Variants in RUNX1 observed in about 807,000 individuals in gnomAD.
RUNX1 encodes the protein RUNX family transcription factor 1.
Under a neutral mutation model 42.8 loss-of-function variants are expected in RUNX1, and 19 were observed. That is an observed-to-expected ratio of 0.44 (90% CI 0.31 to 0.65). The LOEUF (loss-of-function observed/expected upper bound fraction) is 0.65, where lower values mean the gene tolerates loss of function less well. RUNX1 is among the 30% of genes least tolerant of loss of function. RUNX1 has a pLI of 0.07. For missense variants in RUNX1, 528 were observed against 672.0 expected, an observed-to-expected ratio of 0.79 and a Z score of 2.37; for synonymous variants, 271 against 289.4, an observed-to-expected ratio of 0.94 and a Z score of 0.64.
At chr21:35,048,113 G>C (rs957129729) in intron 2 of RUNX1, among the ~76,000 whole-genome samples, 10 of 152,212 alleles carry the variant, frequency 6.6e-5, no homozygotes, top group Non-Finnish European at 1.3e-4. Flanking sequence ...CTTAACTCGG[G>C]AAACTTCTCT....
chr21:34,947,084 C>T (rs999731928), intron 2 of RUNX1, among the ~76,000 whole-genome samples: 6 of 152,216 alleles, frequency 3.9e-5, no homozygotes, highest in Non-Finnish European at 8.8e-5. Context: ...GGCACTCTAT[C>T]TGTGCCTCAA....
intron 7 of RUNX1, among the ~76,000 whole-genome samples, chr21:34,810,287 T>G (rs1372985922): frequency 6.6e-6 from 1 of 152,262 alleles, no homozygotes; most frequent in Admixed American, 6.5e-5. Context: ...TGCTTCCATA[T>G]GACATGGGCC....
intron 7 of RUNX1, among the ~76,000 whole-genome samples, chr21:34,829,604 T>C (rs1601406720): frequency 6.6e-6 from 1 of 152,254 alleles, no homozygotes; most frequent in African/African-American, 2.4e-5. Flanking sequence ...TCACCTGTCA[T>C]GTTTATAGCC....
intron 6 of RUNX1, among the ~76,000 whole-genome samples, chr21:34,858,998 T>C (rs1437654343): frequency 6.6e-6 from 1 of 152,196 alleles, no homozygotes; most frequent in African/African-American, 2.4e-5. Context: ...ATCTGTGCCA[T>C]AGAAAGAAAA....
Position 34,791,804 on chromosome 21 carries a change from G to A in RUNX1, c.*331C>T, listed in dbSNP as rs2056438245. ...TATTCACAGCATTGCTAAATCAGAAGCATTCACAGTTTCCCTCCGGGAATC... is the reference window on the plus strand; with the variant it reads ...TATTCACAGCATTGCTAAATCAGAAACATTCACAGTTTCCCTCCGGGAATC... On this transcript the variant is annotated 3_prime_UTR_variant, in exon 9 of 9. Transcript: ENST00000675419. 4.3e-6 allele frequency: 1 copy of A among 229,886 alleles called. No individual in the cohort carries two copies. Among genetic ancestry groups the A allele is most frequent in the Non-Finnish European group, 8.6e-6 (1 of 115,638 alleles). The allele number at this position is 229,886 out of a possible 1,614,324, so 14.2% of individuals were successfully genotyped here.
At chr21:34,922,989 A>G (rs1407478083) in intron 2 of RUNX1, among the ~76,000 whole-genome samples, 3 of 152,202 alleles carry the variant, frequency 2.0e-5, no homozygotes, top group Admixed American at 2.0e-4. Context: ...TATTTTATAG[A>G]GGGAGAAAAT....
chr21:34,870,866 G>C (rs1469936539), intron 5 of RUNX1, among the ~76,000 whole-genome samples: 1 of 152,194 alleles, frequency 6.6e-6, no homozygotes, highest in East Asian at 1.9e-4. Context: ...GCTGAGGCAG[G>C]AGGATTGCTT....
chr21:35,044,895 G>A (rs183789417), intron 2 of RUNX1, among the ~76,000 whole-genome samples: 100 of 152,284 alleles, frequency 6.6e-4, no homozygotes, highest in Non-Finnish European at 1.2e-3. Context: ...ATTCAGAATC[G>A]GGTCAGTTGC....
rs533151549 is a variant in RUNX1 at position 35,030,065 on chromosome 21, C to T, written c.58+18777G>A. 6.8e-4 allele frequency among the ~76,000 whole-genome samples: 103 copies of T among 152,270 alleles called. No homozygotes were observed. The South Asian group carries it at 9.5e-3, about 14-fold the overall frequency. ...TCCAGGTAAAAACCACTGGTGAGGCCGGGTGCGGTGGCTCACGCCTGTAAT... is the reference window on the plus strand; with the variant it reads ...TCCAGGTAAAAACCACTGGTGAGGCTGGGTGCGGTGGCTCACGCCTGTAAT... On this transcript the variant is annotated intron_variant, in intron 2 of 8. Transcript: ENST00000675419.
intron 2 of RUNX1, among the ~76,000 whole-genome samples, chr21:35,044,954 G>A (rs763953995): frequency 1.3e-4 from 20 of 152,096 alleles, no homozygotes; most frequent in African/African-American, 2.2e-4. Context: ...CCCTGTACTC[G>A]GTGTGTGAGC....
At position 34,791,774 on chromosome 21, in the gene RUNX1, C is replaced by CT. The variant is rs2056438032; in HGVS notation, c.*360dup. On this transcript the variant is annotated 3_prime_UTR_variant, in exon 9 of 9. Coordinates refer to ENST00000675419, the MANE Select transcript of RUNX1 (RefSeq NM_001754.5). ...GTTAAGTCAAGGGTATAAAATCTTT[C>CT]TTTTTATTCACAGCATTGCTAAATC... 1 of 226,232 alleles carries CT rather than the reference C, an allele frequency of 4.4e-6. No individual in the cohort carries two copies. Among genetic ancestry groups the CT allele is most frequent in the Non-Finnish European group, 8.8e-6 (1 of 113,242 alleles). The allele number at this position is 226,232 out of a possible 1,614,324, so 14.0% of individuals were successfully genotyped here.
In RUNX1 at chr21:35,041,344, C is replaced by T. The variant is rs141706861; in HGVS notation, c.58+7498G>A. On this transcript the variant is annotated intron_variant, in intron 2 of 8. Transcript: ENST00000675419. Reference sequence around the variant, plus strand: ...GCATTTATGCAAAGCAGCATCAGTCCTGAGATCAGCAGAGCGATTGAGCAA... The same window carrying T: ...GCATTTATGCAAAGCAGCATCAGTCTTGAGATCAGCAGAGCGATTGAGCAA... Among the ~76,000 whole-genome samples, 405 of 152,350 alleles carry T rather than the reference C, an allele frequency of 2.7e-3. 4 individuals are homozygous for T. The highest frequency in any genetic ancestry group is 9.0e-3 in the African/African-American group (376 of 41,580).
At chr21:34,817,241 C>T (rs935036311) in intron 7 of RUNX1, among the ~76,000 whole-genome samples, 1 of 152,104 alleles carries the variant, frequency 6.6e-6, no homozygotes, top group African/African-American at 2.4e-5. Flanking sequence ...TGCTATTCAC[C>T]GTCTGTCACT....
At chr21:34,834,189 T>C (rs1474677096) in intron 7 of RUNX1, 2 of 701,142 alleles carry the variant, frequency 2.9e-6, no homozygotes, top group African/African-American at 3.5e-5. Flanking sequence ...CTTGTGGGGA[T>C]CTGGTTACAA....
At position 34,788,220 on chromosome 21, in the gene RUNX1, G is replaced by A. The variant is rs1568996981; in HGVS notation, c.*3915C>T. 1 of 233,566 alleles carries A rather than the reference G, an allele frequency of 4.3e-6. No homozygotes were observed. The allele number at this position is 233,566 out of a possible 1,614,324, so 14.5% of individuals were successfully genotyped here. A position where few individuals can be genotyped will look rare whatever the true frequency, so the allele number is the denominator to read the frequency against. ...TAACTGCCACACAAATAGACCCTAG[G>A]TGGGGGCTGGCTTAAATAGGACCAC... On this transcript the variant is annotated 3_prime_UTR_variant, in exon 9 of 9. Transcript: ENST00000675419.
At chr21:34,893,882 T>C (rs916113145) in intron 2 of RUNX1, among the ~76,000 whole-genome samples, 21 of 152,100 alleles carry the variant, frequency 1.4e-4, no homozygotes, top group Admixed American at 1.4e-3. Context: ...TTTAGTCTTA[T>C]ATTTTTGCCA....
At chr21:34,925,927 G>A (rs941005432) in intron 2 of RUNX1, among the ~76,000 whole-genome samples, 5 of 152,100 alleles carry the variant, frequency 3.3e-5, no homozygotes, top group African/African-American at 9.7e-5. Context: ...GTACTATAGA[G>A]TGCTTTCCTT....
rs1201995651 is a variant in RUNX1 at position 34,846,194 on chromosome 21, C to CTTCTTTTTTTTTTTT, written c.614-11594_614-11593insAAAAAAAAAAAAGAA. On this transcript the variant is annotated intron_variant, in intron 6 of 8. Coordinates refer to ENST00000675419, the MANE Select transcript of RUNX1 (RefSeq NM_001754.5). Reference sequence around the variant, plus strand: ...GAGTACTTTGTGGGTTTAAGGATGTCTTTTTTTTTTTTTTTTTTTTTCAAA... The same window carrying CTTCTTTTTTTTTTTT: ...GAGTACTTTGTGGGTTTAAGGATGTCTTCTTTTTTTTTTTTTTTTTTTTTTTTTTTTTTTTTCAAA... Among the ~76,000 whole-genome samples, 11 of 102,240 alleles carry CTTCTTTTTTTTTTTT rather than the reference C, an allele frequency of 1.1e-4. 1 individual carries two copies. The highest frequency in any genetic ancestry group is 1.0e-4 in the Admixed American group (1 of 9,660). 67.1% of individuals were successfully genotyped at this position (102,240 alleles called of 152,430 possible).
At chr21:35,027,154 A>T (rs898721788) in intron 2 of RUNX1, among the ~76,000 whole-genome samples, 1 of 152,074 alleles carries the variant, frequency 6.6e-6, no homozygotes, top group Non-Finnish European at 1.5e-5. Context: ...GGGCGAAGGG[A>T]GGGGGTGAAG....
Sources: allele counts gnomAD v4.1 joint callset (sites outside exome capture counted in the v4.1 genomes callset), GRCh38; gene constraint gnomAD v4.1.1; transcripts MANE v1.5; gene names NCBI Gene and HGNC (gene_info 2026-07-23, HGNC 2026-07-21).